The following SGK3 variants were observed in gnomAD, a reference collection of about 807,000 sequenced individuals.
The protein encoded by SGK3 is serine/threonine-protein kinase Sgk3.
In SGK3, 47 loss-of-function variants were observed where a neutral mutation model predicts 68.5. The observed-to-expected ratio is 0.69, with a 90% CI of 0.54 to 0.87. The LOEUF is 0.87. SGK3 is among the 40% of genes least tolerant of loss of function. The probability of loss-of-function intolerance (pLI) is 0.00; values close to 1 mark genes in which losing one functional copy is unlikely to be tolerated. For synonymous variants in SGK3, 181 were observed against 189.1 expected, an observed-to-expected ratio of 0.96 and a Z score of 0.35; for missense variants, 479 against 575.5, an observed-to-expected ratio of 0.83 and a Z score of 1.72.
At chr8:66,734,601 A>C (rs1251081082) in intron 1 of SGK3, among the ~76,000 whole-genome samples, 2 of 152,040 alleles carry the variant, frequency 1.3e-5, no homozygotes, top group Non-Finnish European at 2.9e-5. Context: ...ACTCCCCCTT[A>C]TCCATAGTGT....
At chr8:66,758,018 A>T (rs1806041374) in intron 1 of SGK3, among the ~76,000 whole-genome samples, 1 of 150,298 alleles carries the variant, frequency 6.7e-6, no homozygotes, top group South Asian at 2.1e-4. Flanking sequence ...CACTACACAC[A>T]CACACACACA....
At chr8:66,799,397 A>G (rs1807834833) in intron 3 of SGK3, among the ~76,000 whole-genome samples, 1 of 152,208 alleles carries the variant, frequency 6.6e-6, no homozygotes, top group Non-Finnish European at 1.5e-5. Context: ...CACCATCTAA[A>G]AAAATAAAGG....
At chr8:66,768,118 A>T in intron 1 of SGK3, 1 of 424,704 alleles carries the variant, frequency 2.4e-6, no homozygotes, top group Admixed American at 3.9e-5. Context: ...CTTATAGGAT[A>T]TATCTTACAA....
Position 66,744,327 on chromosome 8 carries a change from C to T in SGK3, c.-122+31494C>T, listed in dbSNP as rs192168177. Among the ~76,000 whole-genome samples, 858 of 151,418 alleles carry T rather than the reference C, an allele frequency of 5.7e-3. 4 individuals are homozygous for T. Among genetic ancestry groups the T allele is most frequent in the Middle Eastern group, 0.01 (3 of 294 alleles). On this transcript the variant is annotated intron_variant, in intron 1 of 16. Transcript: ENST00000521198. ...TTGTATGTGACCTGTTGCTGCCTCTCTGGAAGCTTCTAATATCTTCTTTTT... is the reference window on the plus strand; with the variant it reads ...TTGTATGTGACCTGTTGCTGCCTCTTTGGAAGCTTCTAATATCTTCTTTTT...
At chr8:66,846,981 C>A (rs750035429) in intron 14 of SGK3, among the ~76,000 whole-genome samples, 1 of 152,022 alleles carries the variant, frequency 6.6e-6, no homozygotes, top group African/African-American at 2.4e-5. Context: ...ACAAACTGGC[C>A]CTAATTCATT....
At chr8:66,793,376 G>A (rs192525439) in intron 1 of SGK3, among the ~76,000 whole-genome samples, 10 of 152,240 alleles carry the variant, frequency 6.6e-5, no homozygotes, top group African/African-American at 1.9e-4. Flanking sequence ...CCTAGCCTAC[G>A]TGAACTGAGG....
chr8:66,789,887 G>A (rs1191573602), intron 1 of SGK3, among the ~76,000 whole-genome samples: 2 of 152,028 alleles, frequency 1.3e-5, no homozygotes, highest in African/African-American at 4.8e-5. Context: ...AGACCAGCCT[G>A]GTCATCATGA....
At chr8:66,757,191 G>C (rs1386666586) in intron 1 of SGK3, among the ~76,000 whole-genome samples, 1 of 150,052 alleles carries the variant, frequency 6.7e-6, no homozygotes, top group African/African-American at 2.5e-5. Context: ...GAATGCAGTG[G>C]CATGATCATG....
chr8:66,856,462 G>A (rs1422056184), intron 16 of SGK3, among the ~76,000 whole-genome samples: 1 of 151,988 alleles, frequency 6.6e-6, no homozygotes, highest in Admixed American at 6.6e-5. Flanking sequence ...ATTGTTTTTT[G>A]GATTTTTGGA....
Position 66,793,810 on chromosome 8 carries a change from G to C in SGK3, c.74G>C (p.Arg25Thr), listed in dbSNP as rs1425598810. 6.2e-7 allele frequency: 1 copy of C among 1,612,778 alleles called. No homozygotes were observed. Among genetic ancestry groups the C allele is most frequent in the African/African-American group, 1.3e-5 (1 of 74,836 alleles). Residue 25 changes from arginine (R) to threonine (T), a missense_variant, in exon 2 of 17, where the codon AGA (arginine) becomes ACA (threonine). Physicochemically the swap from Arg to Thr is moderately conservative, Grantham distance 71. Coordinates refer to ENST00000521198, the MANE Select transcript of SGK3 (RefSeq NM_001033578.3). ...SVSIPSSDEHREKKKRFTVYK... is the reference protein window; with the variant it reads ...SVSIPSSDEHTEKKKRFTVYK... ...AGCATTCCCAGCTCCGATGAACACA[G>C]AGAGAAAAAGAAGAGGTTTACTGTA...
chr8:66,808,156 C>T (rs1033354636), intron 4 of SGK3, among the ~76,000 whole-genome samples: 3 of 152,078 alleles, frequency 2.0e-5, no homozygotes, highest in Admixed American at 1.3e-4. Context: ...GTTAGATGCC[C>T]TTGAATGAAT....
intron 1 of SGK3, among the ~76,000 whole-genome samples, chr8:66,779,543 T>G (rs1227756730): frequency 7.4e-6 from 1 of 134,406 alleles, no homozygotes; most frequent in African/African-American, 2.8e-5. Context: ...TATATATATA[T>G]GTATATGTAT....
At chr8:66,858,952 G>GGT (rs1563664591) in intron 16 of SGK3, among the ~76,000 whole-genome samples, 1 of 152,138 alleles carries the variant, frequency 6.6e-6, no homozygotes, top group Non-Finnish European at 1.5e-5. Flanking sequence ...GAAAGGAAAA[G>GGT]CAGAAAAGCG....
At chr8:66,725,324 C>A (rs572908632) in intron 1 of SGK3, among the ~76,000 whole-genome samples, 1 of 151,928 alleles carries the variant, frequency 6.6e-6, no homozygotes, top group Non-Finnish European at 1.5e-5. Flanking sequence ...ATTGCTTGAT[C>A]CCAGGAGATG....
intron 1 of SGK3, among the ~76,000 whole-genome samples, chr8:66,774,416 G>C (rs2130498326): frequency 6.6e-6 from 1 of 152,234 alleles, no homozygotes; most frequent in East Asian, 1.9e-4. Flanking sequence ...TCCTGACTCA[G>C]CCCATGGAGT....
chr8:66,839,537 ATATATATATATATATATATATT>A lies in SGK3; in HGVS notation c.742-464_742-443del, dbSNP rs1489936747. Among the ~76,000 whole-genome samples, 88 of 76,066 alleles carry A rather than the reference ATATATATATATATATATATATT, an allele frequency of 1.2e-3. 2 individuals carry two copies. The highest frequency in any genetic ancestry group is 4.2e-3 in the African/African-American group (75 of 17,748). 49.9% of individuals were successfully genotyped at this position (76,066 alleles called of 152,430 possible). On this transcript the variant is annotated intron_variant, in intron 10 of 16. Coordinates refer to ENST00000521198, the MANE Select transcript of SGK3 (RefSeq NM_001033578.3). ...TATATATATATATATATATATATATATATATATATATATATATATATTTTCATATGGGTTATATTTGTTCTGC... is the reference window on the plus strand; with the variant it reads ...TATATATATATATATATATATATATATTCATATGGGTTATATTTGTTCTGC...
chr8:66,744,434 C>A (rs1320667844), intron 1 of SGK3, among the ~76,000 whole-genome samples: 1 of 116,568 alleles, frequency 8.6e-6, no homozygotes, highest in Non-Finnish European at 1.8e-5. Flanking sequence ...CTTATTATTT[C>A]TGTTATTTGG....
intron 6 of SGK3, among the ~76,000 whole-genome samples, chr8:66,823,793 G>A (rs1181925924): frequency 6.6e-6 from 1 of 152,092 alleles, no homozygotes; most frequent in Non-Finnish European, 1.5e-5. Context: ...AAGGTTATGT[G>A]GGAGAAGTAA....
chr8:66,729,276 G>A (rs1805070754), intron 1 of SGK3, among the ~76,000 whole-genome samples: 1 of 151,316 alleles, frequency 6.6e-6, no homozygotes, highest in Non-Finnish European at 1.5e-5. Context: ...CTAACACGGT[G>A]AAACCCTGTC....
Sources: allele counts gnomAD v4.1 joint callset (sites outside exome capture counted in the v4.1 genomes callset), GRCh38; gene constraint gnomAD v4.1.1; transcripts MANE v1.5; gene names NCBI Gene and HGNC (gene_info 2026-07-23, HGNC 2026-07-21).